Variants in SRC observed in about 807,000 individuals in gnomAD.
The protein encoded by SRC is proto-oncogene tyrosine-protein kinase Src.
In SRC, 13 loss-of-function variants were observed where a neutral mutation model predicts 62.9. The ratio of observed to expected loss-of-function variants is 0.21; its 90% confidence interval spans 0.13 to 0.33. The LOEUF is 0.33. Ranked by LOEUF, SRC falls within the 10% of genes least tolerant of loss-of-function variation. The pLI, the probability that SRC is intolerant of heterozygous loss-of-function variation, is 1.00. For synonymous variants in SRC, 302 were observed against 317.5 expected (o/e 0.95, Z 0.52); for missense variants, 457 against 737.3 (o/e 0.62, Z 4.40).
chr20:37,350,247 A>G (rs189807195), intron 1 of SRC, among the ~76,000 whole-genome samples: 30 of 152,296 alleles, frequency 2.0e-4, no homozygotes, highest in Admixed American at 1.2e-3. Flanking sequence ...TGCCTGAAGT[A>G]GGATAGTGAG....
At chr20:37,400,043 G>T in intron 9 of SRC, 72 bp from the exon 10 acceptor site, 3 of 1,455,416 alleles carry the variant, frequency 2.1e-6, no homozygotes, top group Non-Finnish European at 2.8e-6. Flanking sequence ...CGCCCAGGTG[G>T]GCAGATCCTG....
intron 2 of SRC, among the ~76,000 whole-genome samples, chr20:37,365,704 T>C (rs1317345034): frequency 6.6e-6 from 1 of 152,058 alleles, no homozygotes; most frequent in Admixed American, 6.6e-5. Context: ...CCCACCTCAG[T>C]GTCCCAAGGA....
intron 2 of SRC, among the ~76,000 whole-genome samples, chr20:37,370,354 T>G (rs1277757466): frequency 6.6e-6 from 1 of 152,214 alleles, no homozygotes; most frequent in Non-Finnish European, 1.5e-5. Context: ...GCGGGAGGAT[T>G]GCCTGAGGTC....
In SRC at chr20:37,388,662, C is replaced by T. The variant is rs187936844; in HGVS notation, c.350+2488C>T. 9.9e-5 allele frequency among the ~76,000 whole-genome samples: 15 copies of T among 152,230 alleles called. 1 individual carries two copies. Among genetic ancestry groups the T allele is most frequent in the South Asian group, 4.1e-4 (2 of 4,824 alleles). On this transcript the variant is annotated intron_variant, in intron 5 of 13. Coordinates refer to ENST00000373578, the MANE Select transcript of SRC (RefSeq NM_198291.3). ...ACTCAGGAGGCTGAGGCAGGAGGAT[C>T]GCTGGAACCAGGAGTTGAAGGCTGC...
At position 37,400,137 on chromosome 20, in the gene SRC, G is replaced by A. The variant is rs945534961; in HGVS notation, c.882G>A (p.Arg294=). The change falls in exon 10 of 14, where the codon AGG becomes AGA. Residue 294 remains arginine (R), a synonymous_variant. Coordinates refer to ENST00000373578, the MANE Select transcript of SRC (RefSeq NM_198291.3). ...CAGGGACCTGGAACGGTACCACCAG[G>A]GTGGCCATCAAAACCCTGAAGCCTG... is the stretch of plus-strand genomic sequence containing the variant. ...VWMGTWNGTT[R]VAIKTLKPGT... is the part of the protein sequence containing the mutation. 2.9e-5 allele frequency: 46 copies of A among 1,611,264 alleles called. No individual in the cohort carries two copies. Among genetic ancestry groups the A allele is most frequent in the Non-Finnish European group, 3.8e-5 (45 of 1,178,860 alleles).
rs1243569802 is a variant in SRC at position 37,397,890 on chromosome 20, A to T, written c.859+36A>T. 2 of 1,574,580 alleles carry T rather than the reference A, an allele frequency of 1.3e-6. No homozygotes were observed. The highest frequency in any genetic ancestry group is 1.7e-6 in the Non-Finnish European group (2 of 1,163,390). On this transcript the variant is annotated intron_variant, in intron 9 of 13. Transcript: ENST00000373578. The surrounding 1 kb of genome is among the most constrained non-coding windows in gnomAD (Gnocchi z 4.1). ...GCCCCTGCCCTCGGGAGAGGCATCC[A>T]CCCCCCACCCCGTGTGGCAGCTCCG...
At chr20:37,373,279 C>CTGT (rs2070211879) in intron 2 of SRC, among the ~76,000 whole-genome samples, 1 of 147,540 alleles carries the variant, frequency 6.8e-6, no homozygotes. Context: ...CACACACACA[C>CTGT]ACACATATTA....
intron 9 of SRC, among the ~76,000 whole-genome samples, chr20:37,399,500 G>A (rs549755946): frequency 1.7e-4 from 26 of 150,526 alleles, no homozygotes; most frequent in Admixed American, 3.9e-4. Flanking sequence ...CGGTTGAGTT[G>A]GAACCTTGGT....
At chr20:37,385,761 T>G (rs945097252) in intron 4 of SRC, among the ~76,000 whole-genome samples, 1 of 152,202 alleles carries the variant, frequency 6.6e-6, no homozygotes, top group Non-Finnish European at 1.5e-5. Context: ...AGATGCTGGT[T>G]ATTGGCGACT....
Position 37,398,135 on chromosome 20 carries a change from A to G in SRC, c.859+281A>G, listed in dbSNP as rs2147109547. On this transcript the variant is annotated intron_variant, in intron 9 of 13. Transcript: ENST00000373578. The surrounding 1 kb of genome is among the most constrained non-coding windows in gnomAD (Gnocchi z 5.2). The stretch of plus-strand genomic sequence containing the variant: ...GGCTGGGCCCGGTGGCCTCACTCAG[A>G]GCCTCAGTCTTCCCGACTGTGAATG... 6.6e-6 allele frequency among the ~76,000 whole-genome samples: 1 copy of G among 152,316 alleles called. No individual in the cohort carries two copies. Among genetic ancestry groups the G allele is most frequent in the Admixed American group, 6.5e-5 (1 of 15,308 alleles).
Position 37,402,602 on chromosome 20 carries a change from G to C in SRC, c.1270+14G>C. ...CGGCGCGGCAAGGTGGGCAGGGGCT[G>C]TGTGGTATGTCGCGCTTGGCCTGGG... On this transcript the variant is annotated intron_variant, in intron 12 of 13. Transcript: ENST00000373578. This position sits in a 1 kb window ranked among gnomAD's most constrained non-coding sequence, Gnocchi z 6.2. 1 of 1,604,420 alleles carries C rather than the reference G, an allele frequency of 6.2e-7. No individual in the cohort carries two copies. Among genetic ancestry groups the C allele is most frequent in the South Asian group, 1.1e-5 (1 of 90,154 alleles).
chr20:37,374,771 C>T (rs971494162), intron 2 of SRC, among the ~76,000 whole-genome samples: 27 of 151,428 alleles, frequency 1.8e-4, no homozygotes, highest in Non-Finnish European at 3.7e-4. Context: ...GATGGGGTTT[C>T]GCCATGTTGT....
In SRC at chr20:37,351,495, C is replaced by A. The variant is rs574694544; in HGVS notation, c.-247+5240C>A. On this transcript the variant is annotated intron_variant, in intron 1 of 13. Transcript: ENST00000373578. The surrounding 1 kb of genome is among the most constrained non-coding windows in gnomAD (Gnocchi z 4.4). ...ACTTTAGGAACGGGTTCTTTTGAAC[C>A]CTTGGACCTGCTGGGCTATGAGGCT... is the stretch of plus-strand genomic sequence containing the variant. Among the ~76,000 whole-genome samples the A allele has an allele frequency of 6.6e-6, 1 of 152,174 alleles. No homozygotes were observed. Among genetic ancestry groups the A allele is most frequent in the Non-Finnish European group, 1.5e-5 (1 of 68,000 alleles).
Position 37,365,555 on chromosome 20 carries a change from C to A in SRC, c.-173+278C>A, listed in dbSNP as rs114387871. Among the ~76,000 whole-genome samples, 1,188 of 152,218 alleles carry A rather than the reference C, an allele frequency of 7.8e-3. 23 individuals carry two copies. Among genetic ancestry groups the A allele is most frequent in the African/African-American group, 0.027 (1,105 of 41,520 alleles). ...TGCCAGGTGTTGATATTTTTAGCTT[C>A]TGCACTTGACTCAATATTACATATT... is the stretch of plus-strand genomic sequence containing the variant. On this transcript the variant is annotated intron_variant, in intron 2 of 13. Coordinates refer to ENST00000373578, the MANE Select transcript of SRC (RefSeq NM_198291.3).
chr20:37,397,405 C>A lies in SRC; in HGVS notation c.704-294C>A, dbSNP rs957552688. ...GGGAAGTGGGGCTCCTCCCTGGACTCTGAGTTCCTGAGGGCAGGTTCCCTG... is the reference window on the plus strand; with the variant it reads ...GGGAAGTGGGGCTCCTCCCTGGACTATGAGTTCCTGAGGGCAGGTTCCCTG... On this transcript the variant is annotated intron_variant, in intron 8 of 13. Coordinates refer to ENST00000373578, the MANE Select transcript of SRC (RefSeq NM_198291.3). This position sits in a 1 kb window ranked among gnomAD's most constrained non-coding sequence, Gnocchi z 4.1. Among the ~76,000 whole-genome samples, 2 of 152,206 alleles carry A rather than the reference C, an allele frequency of 1.3e-5. No individual in the cohort carries two copies. Among genetic ancestry groups the A allele is most frequent in the Admixed American group, 1.3e-4 (2 of 15,286 alleles).
At chr20:37,390,749 C>A (rs1382094485) in intron 5 of SRC, among the ~76,000 whole-genome samples, 1 of 152,066 alleles carries the variant, frequency 6.6e-6, no homozygotes, top group African/African-American at 2.4e-5. Flanking sequence ...GCTGACCCTG[C>A]AGATGAGGAA....
chr20:37,400,212 G>A lies in SRC; in HGVS notation c.957G>A (p.Lys319=). Residue 319 remains lysine (K), a synonymous_variant, in exon 10 of 14, where the codon AAG becomes AAA. Coordinates refer to ENST00000373578, the MANE Select transcript of SRC (RefSeq NM_198291.3). Reference sequence around the variant, plus strand: ...TGCAGGAGGCCCAGGTCATGAAGAAGCTGAGGCATGAGAAGCTGGTGCAGT... The same window carrying A: ...TGCAGGAGGCCCAGGTCATGAAGAAACTGAGGCATGAGAAGCTGGTGCAGT... ...AFLQEAQVMK[K]LRHEKLVQLY... is the part of the protein sequence containing the mutation. 1.2e-6 allele frequency: 2 copies of A among 1,614,162 alleles called. No homozygotes were observed. The highest frequency in any genetic ancestry group is 1.7e-4 in the Middle Eastern group (1 of 6,060).
intron 10 of SRC, among the ~76,000 whole-genome samples, chr20:37,400,845 T>C (rs1200659495): frequency 6.6e-6 from 1 of 152,146 alleles, no homozygotes; most frequent in African/African-American, 2.4e-5. Context: ...CCCAGAAAGT[T>C]CCTCATGCCC....
At chr20:37,372,788 CT>C (rs2070186606) in intron 2 of SRC, among the ~76,000 whole-genome samples, 3 of 151,640 alleles carry the variant, frequency 2.0e-5, no homozygotes, top group Admixed American at 2.0e-4. Context: ...TTTATGGGAG[CT>C]TATTATATAC....
Sources: gnomAD v4.1 joint callset for allele counts (sites outside exome capture counted in the v4.1 genomes callset) on GRCh38, gnomAD v4.1.1 for gene constraint, Gnocchi (gnomAD v3.1) non-coding constraint, MANE v1.5 for transcripts, NCBI Gene and HGNC (gene_info 2026-07-23, HGNC 2026-07-21) for gene names.